Variants in STXBP6 observed in about 807,000 individuals in gnomAD.
STXBP6 encodes the protein syntaxin-binding protein 6.
Under a neutral mutation model 26.9 loss-of-function variants are expected in STXBP6, and 21 were observed. The observed-to-expected ratio is 0.78, with a 90% confidence interval of 0.55 to 1.12. STXBP6 has a LOEUF of 1.12. Among genes scored for constraint, STXBP6 ranks in the 50% most tolerant of loss-of-function variants. The pLI, the probability that STXBP6 is intolerant of heterozygous loss-of-function variation, is 0.00. For synonymous variants in STXBP6, 97 were observed against 92.6 expected, an observed-to-expected ratio of 1.05 and a Z score of -0.27; for missense variants, 232 against 257.9, an observed-to-expected ratio of 0.90 and a Z score of 0.69.
chr14:24,865,985 C>G (rs2069703957), intron 2 of STXBP6, among the ~76,000 whole-genome samples: 1 of 152,088 alleles, frequency 6.6e-6, no homozygotes, highest in African/African-American at 2.4e-5. Flanking sequence ...ACAAGAGTCA[C>G]AGTTGTAATG....
rs374708938 is a variant in STXBP6, at chr14:24,943,182, T to G, written c.154+31483A>C. 3.4e-4 allele frequency among the ~76,000 whole-genome samples: 52 copies of G among 152,306 alleles called. 1 individual carries two copies. The highest frequency in any genetic ancestry group is 1.2e-3 in the African/African-American group (49 of 41,580). ...TTTTCAATCTCACCGTACTCACAAC[T>G]ACAGTGGCCAATGAAACGCACTTGG... On this transcript the variant is annotated intron_variant, in intron 2 of 5. Transcript: ENST00000323944.
In STXBP6 at chr14:24,955,658, G is replaced by A. The variant is rs147711590; in HGVS notation, c.154+19007C>T. Among the ~76,000 whole-genome samples, 116 of 152,256 alleles carry A rather than the reference G, an allele frequency of 7.6e-4. 3 individuals carry two copies. In the East Asian group the frequency reaches 0.02, roughly 26 times the overall value. On this transcript the variant is annotated intron_variant, in intron 2 of 5. Coordinates refer to ENST00000323944, the MANE Select transcript of STXBP6 (RefSeq NM_001394410.1). ...TGAGTGGGTACCGTGGTAAGGAAGT[G>A]AGGGTGCTCCTCAGGGCACAGGGTA...
chr14:24,948,819 TAA>T (rs2073074905), intron 2 of STXBP6, among the ~76,000 whole-genome samples: 1 of 152,212 alleles, frequency 6.6e-6, no homozygotes. Context: ...CACATAACAA[TAA>T]AGACACAATT....
Position 24,855,949 on chromosome 14 carries a change from G to A in STXBP6, c.438C>T (p.Ser146=). The A allele has an allele frequency of 6.2e-7, 1 of 1,602,650 alleles. No individual in the cohort carries two copies. The highest frequency in any genetic ancestry group is 8.5e-7 in the Non-Finnish European group (1 of 1,175,918). Residue 146 remains serine, a synonymous_variant, in exon 4 of 6, where the codon TCC becomes TCT. Coordinates refer to ENST00000323944, the MANE Select transcript of STXBP6 (RefSeq NM_001394410.1). ...DRKPEFINCQ[S]KIMGGNSILH... is the part of the protein sequence containing the mutation. ...ATGTCCACTCACCTCCCATAATTTT[G>A]GATTGGCAGTTAATAAACTCTGGCT...
chr14:24,848,722 A>G (rs975677538), intron 4 of STXBP6, among the ~76,000 whole-genome samples: 4 of 152,104 alleles, frequency 2.6e-5, no homozygotes, highest in African/African-American at 9.7e-5. Flanking sequence ...ATTTTTCCTT[A>G]GTTTCTAGTC....
At chr14:24,959,818 T>C (rs2073469315) in intron 2 of STXBP6, among the ~76,000 whole-genome samples, 1 of 152,200 alleles carries the variant, frequency 6.6e-6, no homozygotes, top group South Asian at 2.1e-4. Context: ...CTTGGATGAA[T>C]CCATAAATGT....
intron 4 of STXBP6, among the ~76,000 whole-genome samples, chr14:24,829,725 A>G (rs1233935827): frequency 6.6e-6 from 1 of 151,686 alleles, no homozygotes; most frequent in Non-Finnish European, 1.5e-5. Context: ...CAATAGGCAC[A>G]GCAGCAGGCT....
At chr14:24,899,812 A>AAAAAAAAAGCAAAAAAAAG (rs1566458124) in intron 2 of STXBP6, among the ~76,000 whole-genome samples, 1 of 144,650 alleles carries the variant, frequency 6.9e-6, no homozygotes, top group African/African-American at 2.8e-5. Context: ...AAAAAAAAAA[A>AAAAAAAAAGCAAAAAAAAG]AAAAGAGTAA....
chr14:24,888,351 A>T (rs1011954688), intron 2 of STXBP6, among the ~76,000 whole-genome samples: 3 of 152,172 alleles, frequency 2.0e-5, no homozygotes, highest in Non-Finnish European at 4.4e-5. Context: ...CACCCAATAT[A>T]CATCAGAGAA....
chr14:25,003,334 T>C lies in STXBP6; in HGVS notation c.-32-28484A>G, dbSNP rs140591733. On this transcript the variant is annotated intron_variant, in intron 1 of 5. Transcript: ENST00000323944. ...GTGAAATATCTTCTCTCCTAGCCTT[T>C]AGGGTAATTCTAAATCACCATTCTT... Among the ~76,000 whole-genome samples, 138 of 152,308 alleles carry C rather than the reference T, an allele frequency of 9.1e-4. 1 individual carries two copies. Among genetic ancestry groups the C allele is most frequent in the Middle Eastern group, 3.4e-3 (1 of 294 alleles).
At chr14:24,826,592 C>T (rs771020806) in intron 4 of STXBP6, among the ~76,000 whole-genome samples, 15 of 152,188 alleles carry the variant, frequency 9.9e-5, no homozygotes, top group Admixed American at 1.3e-4. Context: ...ACACTGTTCT[C>T]TCAAACTCAC....
At chr14:24,852,536 T>C (rs1413504065) in intron 4 of STXBP6, among the ~76,000 whole-genome samples, 1 of 152,096 alleles carries the variant, frequency 6.6e-6, no homozygotes, top group African/African-American at 2.4e-5. Flanking sequence ...AGGGCTGCAC[T>C]GTCTTCCCAG....
chr14:24,935,438 T>C (rs939122718), intron 2 of STXBP6, among the ~76,000 whole-genome samples: 6 of 152,084 alleles, frequency 3.9e-5, no homozygotes, highest in Admixed American at 1.3e-4. Flanking sequence ...AATCCATATA[T>C]ATGATTCATG....
intron 1 of STXBP6, among the ~76,000 whole-genome samples, chr14:25,024,686 CTAGCAATACTGCTAGCATAAA>C (rs1419751684): frequency 6.6e-6 from 1 of 152,122 alleles, no homozygotes; most frequent in Non-Finnish European, 1.5e-5. Flanking sequence ...CCTAGACAGC[CTAGCAATACTGCTAGCATAAA>C]TAGCAACAGA....
chr14:24,955,450 T>C (rs1238183568), intron 2 of STXBP6, among the ~76,000 whole-genome samples: 1 of 152,212 alleles, frequency 6.6e-6, no homozygotes, highest in East Asian at 1.9e-4. Flanking sequence ...TCACCGTTGT[T>C]TTGATCTGGC....
chr14:24,831,490 A>T (rs1427953890), intron 4 of STXBP6, among the ~76,000 whole-genome samples: 1 of 152,190 alleles, frequency 6.6e-6, no homozygotes, highest in Non-Finnish European at 1.5e-5. Flanking sequence ...AATAACAGTG[A>T]GTGCTTGCCA....
chr14:24,846,636 G>A (rs1566405381), intron 4 of STXBP6, among the ~76,000 whole-genome samples: 1 of 152,254 alleles, frequency 6.6e-6, no homozygotes, highest in East Asian at 1.9e-4. Context: ...TATGCTGCAA[G>A]TAACATGTCC....
chr14:25,006,003 T>C (rs1336058065), intron 1 of STXBP6, among the ~76,000 whole-genome samples: 3 of 152,220 alleles, frequency 2.0e-5, no homozygotes, highest in African/African-American at 7.2e-5. Context: ...GGGATTTTGA[T>C]GTTCAGAACT....
chr14:24,873,112 G>A (rs1007246307), intron 2 of STXBP6, among the ~76,000 whole-genome samples: 2 of 152,116 alleles, frequency 1.3e-5, no homozygotes, highest in African/African-American at 4.8e-5. Flanking sequence ...GCAAAGGGAA[G>A]CTTCAGCCAA....
Sources: gnomAD v4.1 joint callset for allele counts (sites outside exome capture counted in the v4.1 genomes callset) on GRCh38, gnomAD v4.1.1 for gene constraint, MANE v1.5 for transcripts, NCBI Gene and HGNC (gene_info 2026-07-23, HGNC 2026-07-21) for gene names.